SMLR1: variants seen among roughly 807,000 people sequenced by gnomAD.
The protein encoded by SMLR1 is small leucine rich protein 1, also known as small leucine-rich protein 1.
SMLR1 carries 3 observed loss-of-function variants against 6.1 expected under a neutral mutation model. That is an observed-to-expected ratio of 0.49 (90% CI 0.22 to 1.28). The LOEUF (loss-of-function observed/expected upper bound fraction) is 1.28. Among genes scored for constraint, SMLR1 ranks in the 50% most tolerant of loss-of-function variants. The pLI is 0.19. For missense variants in SMLR1, 126 were observed against 124.8 expected (o/e 1.01, Z -0.05); for synonymous variants, 55 against 53.6 (o/e 1.03, Z -0.11).
At chr6:130,833,774 G>A (rs1774544901) in intron 1 of SMLR1, among the ~76,000 whole-genome samples, 1 of 152,112 alleles carries the variant, frequency 6.6e-6, no homozygotes, top group African/African-American at 2.4e-5. Flanking sequence ...TAAATCTTGA[G>A]GCCCATGTTG....
rs1583390709 is a variant in SMLR1, at chr6:130,827,722, C to T, written c.238+71C>T. The T allele has an allele frequency of 4.4e-6, 5 of 1,144,416 alleles. No individual in the cohort carries two copies. In the East Asian group the frequency reaches 7.7e-5, roughly 18 times the overall value. The allele number at this position is 1,144,416 out of a possible 1,614,324, so 70.9% of individuals were successfully genotyped here. A position where few individuals can be genotyped will look rare whatever the true frequency, so the allele number is the denominator to read the frequency against. On this transcript the variant is annotated intron_variant, in intron 1 of 1. Transcript: ENST00000541421. ...CAGCACATCTTGAAATATACCGATG[C>T]ACTGTCAGTGTTTTCTGGCCAGGAG...
At chr6:130,832,314 G>A (rs1464221584) in intron 1 of SMLR1, among the ~76,000 whole-genome samples, 2 of 152,036 alleles carry the variant, frequency 1.3e-5, no homozygotes, top group Non-Finnish European at 2.9e-5. Flanking sequence ...AAATGTTTTT[G>A]CACGGAGTTG....
intron 1 of SMLR1, among the ~76,000 whole-genome samples, chr6:130,829,936 C>T (rs191033850): frequency 6.0e-4 from 91 of 152,294 alleles, no homozygotes; most frequent in Admixed American, 2.9e-3. Context: ...AAGCTTACTC[C>T]AAACTTATGT....
chr6:130,828,293 CTG>C (rs1031683987), intron 1 of SMLR1, among the ~76,000 whole-genome samples: 1 of 152,146 alleles, frequency 6.6e-6, no homozygotes, highest in Non-Finnish European at 1.5e-5. Flanking sequence ...TGGATTGACA[CTG>C]TTTATTCTGC....
intron 1 of SMLR1, among the ~76,000 whole-genome samples, chr6:130,833,561 G>A (rs927723330): frequency 6.6e-6 from 1 of 152,156 alleles, no homozygotes; most frequent in African/African-American, 2.4e-5. Flanking sequence ...AAGTCAGATT[G>A]CCTGGAATCA....
rs1320151624 is a variant in SMLR1, at chr6:130,827,499, T to G, written c.86T>G (p.Val29Gly). The G allele has an allele frequency of 1.3e-6, 2 of 1,535,932 alleles. No homozygotes were observed. The highest frequency in any genetic ancestry group is 1.7e-6 in the Non-Finnish European group (2 of 1,146,840). ...CTGGTCCTGAGTGTGACTCCCATGG[T>G]CCCCGTGGGGTCTGTGTGGTTGGCA... The part of the protein sequence containing the change: ...AALVLSVTPM[V>G]PVGSVWLAMS... The change falls in exon 1 of 2, where the codon GTC (valine) becomes GGC (glycine). Residue 29 changes from valine (V) to glycine (G), a missense_variant. Transcript: ENST00000541421.
intron 1 of SMLR1, among the ~76,000 whole-genome samples, chr6:130,833,100 T>C (rs530024388): frequency 6.6e-6 from 1 of 152,268 alleles, no homozygotes; most frequent in East Asian, 1.9e-4. Context: ...ATCGAATCTC[T>C]CTGCACATCC....
intron 1 of SMLR1, among the ~76,000 whole-genome samples, chr6:130,828,082 C>G (rs1244934139): frequency 1.3e-5 from 2 of 152,138 alleles, no homozygotes; most frequent in Non-Finnish European, 2.9e-5. Context: ...ACACACACAA[C>G]TTTCTCATCC....
chr6:130,833,698 G>A (rs1253483214), intron 1 of SMLR1, among the ~76,000 whole-genome samples: 1 of 152,068 alleles, frequency 6.6e-6, no homozygotes, highest in East Asian at 1.9e-4. Flanking sequence ...CACAAGAATT[G>A]AACGAGAAAG....
In SMLR1 at chr6:130,836,727, C is replaced by T. The variant is rs891304765; in HGVS notation, c.*1772C>T. 3 of 152,136 alleles carry T rather than the reference C, an allele frequency of 2.0e-5. No homozygotes were observed. The South Asian group carries it at 6.2e-4, about 32-fold the overall frequency. The allele number at this position is 152,136 out of a possible 1,614,324, so 9.4% of individuals were successfully genotyped here. ...TCATTTTCCCATGAAGGAACAAGTC[C>T]CAAGGGTTTATCATCTGCCTGAAGG... On this transcript the variant is annotated 3_prime_UTR_variant, in exon 2 of 2. Coordinates refer to ENST00000541421, the MANE Select transcript of SMLR1 (RefSeq NM_001195597.2).
chr6:130,833,027 C>T (rs978793320), intron 1 of SMLR1, among the ~76,000 whole-genome samples: 4 of 152,188 alleles, frequency 2.6e-5, no homozygotes, highest in Non-Finnish European at 5.9e-5. Context: ...TAACAGGGCA[C>T]ACTGCATTGC....
At position 130,827,606 on chromosome 6, in the gene SMLR1, C is replaced by T. The variant is rs1421913886; in HGVS notation, c.193C>T (p.Leu65=). The T allele has an allele frequency of 6.5e-7, 1 of 1,535,154 alleles. No homozygotes were observed. The highest frequency in any genetic ancestry group is 1.4e-5 in the African/African-American group (1 of 72,980). Reference sequence around the variant, plus strand: ...TGGGGTCTTCCTCCCCGTGACTTTGCTGCTGCTCCTCCTCATCGCCTACTT... The same window carrying T: ...TGGGGTCTTCCTCCCCGTGACTTTGTTGCTGCTCCTCCTCATCGCCTACTT... ...FFGVFLPVTL[L]LLLLIAYFRI... Residue 65 remains leucine, a synonymous_variant, in exon 1 of 2, where the codon CTG becomes TTG. Coordinates refer to ENST00000541421, the MANE Select transcript of SMLR1 (RefSeq NM_001195597.2).
Position 130,834,992 on chromosome 6 carries a change from T to A in SMLR1, c.*37T>A. 1 of 1,496,552 alleles carries A rather than the reference T, an allele frequency of 6.7e-7. No individual in the cohort carries two copies. Among genetic ancestry groups the A allele is most frequent in the Non-Finnish European group, 9.0e-7 (1 of 1,111,348 alleles). The allele number at this position is 1,496,552 out of a possible 1,614,324, so 92.7% of individuals were successfully genotyped here. A position where few individuals can be genotyped will look rare whatever the true frequency, so the allele number is the denominator to read the frequency against. On this transcript the variant is annotated 3_prime_UTR_variant, in exon 2 of 2. Coordinates refer to ENST00000541421, the MANE Select transcript of SMLR1 (RefSeq NM_001195597.2). ...TTCCAATAACTAAAGCACAATGAGT[T>A]TCTACTGGTCAGCAAGCAATGGCCA...
intron 1 of SMLR1, among the ~76,000 whole-genome samples, chr6:130,834,562 C>CTTGCTG (rs1312269261): frequency 6.6e-6 from 1 of 152,162 alleles, no homozygotes; most frequent in Non-Finnish European, 1.5e-5. Flanking sequence ...GACACTGTGA[C>CTTGCTG]TTGCTGTGGG....
Position 130,836,348 on chromosome 6 carries a change from T to A in SMLR1, c.*1393T>A, listed in dbSNP as rs1774659020. ...ATCTCTTTTTAGCCCCTGGGGGAAA[T>A]CAGCTTATGTAAAAATGCTTTCTTT... On this transcript the variant is annotated 3_prime_UTR_variant, in exon 2 of 2. Transcript: ENST00000541421. The A allele has an allele frequency of 1.3e-5, 2 of 152,132 alleles. No individual in the cohort carries two copies. Among genetic ancestry groups the A allele is most frequent in the Non-Finnish European group, 2.9e-5 (2 of 68,010 alleles). 9.4% of individuals were successfully genotyped at this position (152,132 alleles called of 1,614,324 possible). A position where few individuals can be genotyped will look rare whatever the true frequency, so the allele number is the denominator to read the frequency against.
chr6:130,829,026 C>G (rs1774362020), intron 1 of SMLR1, among the ~76,000 whole-genome samples: 1 of 152,216 alleles, frequency 6.6e-6, no homozygotes, highest in South Asian at 2.1e-4. Flanking sequence ...ATCCGTAACA[C>G]TCACTGCATC....
intron 1 of SMLR1, among the ~76,000 whole-genome samples, chr6:130,827,876 G>A (rs1316690828): frequency 6.6e-6 from 1 of 152,098 alleles, no homozygotes; most frequent in East Asian, 1.9e-4. Context: ...TCTGCTGTAG[G>A]GGGCCCTCAC....
rs533344211 is a variant in SMLR1 at position 130,836,918 on chromosome 6, C to A, written c.*1963C>A. On this transcript the variant is annotated 3_prime_UTR_variant, in exon 2 of 2. Transcript: ENST00000541421. ...CTGCTGTCTTGGCCTCCACCTAGACCAAGTCGGCAGTCTCCCTACATTACC... is the reference window on the plus strand; with the variant it reads ...CTGCTGTCTTGGCCTCCACCTAGACAAAGTCGGCAGTCTCCCTACATTACC... 6.6e-6 allele frequency: 1 copy of A among 152,274 alleles called. No individual in the cohort carries two copies. The highest frequency in any genetic ancestry group is 1.9e-4 in the East Asian group (1 of 5,174). 9.4% of individuals were successfully genotyped at this position (152,274 alleles called of 1,614,324 possible). A position where few individuals can be genotyped will look rare whatever the true frequency, so the allele number is the denominator to read the frequency against.
chr6:130,832,317 C>A (rs574408740), intron 1 of SMLR1, among the ~76,000 whole-genome samples: 1 of 152,126 alleles, frequency 6.6e-6, no homozygotes, highest in South Asian at 2.1e-4. Context: ...TGTTTTTGCA[C>A]GGAGTTGGAC....
Sources: gnomAD v4.1 joint callset for allele counts (sites outside exome capture counted in the v4.1 genomes callset) on GRCh38, gnomAD v4.1.1 for gene constraint, MANE v1.5 for transcripts, NCBI Gene and HGNC (gene_info 2026-07-23, HGNC 2026-07-21) for gene names.